Variants in FUT9 observed in about 807,000 individuals in gnomAD.
FUT9 encodes fucosyltransferase 9.
FUT9 carries 15 observed loss-of-function variants against 29.7 expected under a neutral mutation model. The observed-to-expected ratio is 0.51, with a 90% CI of 0.34 to 0.78. The LOEUF is 0.78. FUT9 is among the 30% of genes least tolerant of loss of function. FUT9 has a pLI of 0.01. For synonymous variants in FUT9, 169 were observed against 153.7 expected (o/e 1.10, Z -0.74); for missense variants, 319 against 425.4 (o/e 0.75, Z 2.20).
chr6:96,035,828 GTATTA>G (rs1770349192), intron 1 of FUT9, among the ~76,000 whole-genome samples: 1 of 123,822 alleles, frequency 8.1e-6, no homozygotes, highest in Non-Finnish European at 1.7e-5. Context: ...TATATTATAT[GTATTA>G]TATTAATATA....
intron 2 of FUT9, among the ~76,000 whole-genome samples, chr6:96,169,895 A>G (rs1019143967): frequency 6.6e-6 from 1 of 152,168 alleles, no homozygotes; most frequent in African/African-American, 2.4e-5. Context: ...AACCAAAGAA[A>G]TTTGGAGAAA....
chr6:96,040,516 A>C (rs1770440846), intron 1 of FUT9, among the ~76,000 whole-genome samples: 1 of 152,190 alleles, frequency 6.6e-6, no homozygotes. Context: ...GATCAGATCA[A>C]AAAACACCTT....
chr6:96,080,230 A>G (rs1771212307), intron 1 of FUT9, among the ~76,000 whole-genome samples: 1 of 149,276 alleles, frequency 6.7e-6, no homozygotes, highest in African/African-American at 2.4e-5. Flanking sequence ...CTAAAAAAAA[A>G]GCCAGAAAGA....
chr6:96,129,711 A>T (rs1158018584), intron 2 of FUT9, among the ~76,000 whole-genome samples: 4 of 152,048 alleles, frequency 2.6e-5, no homozygotes, highest in African/African-American at 9.7e-5. Flanking sequence ...TTTGGTATTT[A>T]GTATTAAAAT....
chr6:96,062,247 A>T, intron 1 of FUT9, among the ~76,000 whole-genome samples: 1 of 152,192 alleles, frequency 6.6e-6, no homozygotes, highest in East Asian at 1.9e-4. Context: ...CTAGAAAGTA[A>T]CAAATAGAAA....
intron 1 of FUT9, among the ~76,000 whole-genome samples, chr6:96,041,323 A>G (rs1007937862): frequency 2.0e-5 from 3 of 152,142 alleles, no homozygotes. Context: ...CTATTACTCA[A>G]GTTCTTCCCT....
intron 1 of FUT9, among the ~76,000 whole-genome samples, chr6:96,092,946 A>AAT (rs1771436091): frequency 6.6e-6 from 1 of 151,938 alleles, no homozygotes; most frequent in Non-Finnish European, 1.5e-5. Context: ...TTTTAAAAAA[A>AAT]TCATAGAGAC....
chr6:96,157,355 A>G (rs1582273588), intron 2 of FUT9, among the ~76,000 whole-genome samples: 1 of 152,294 alleles, frequency 6.6e-6, no homozygotes, highest in African/African-American at 2.4e-5. Flanking sequence ...AATGCGGTAA[A>G]CTGTAAAGAT....
intron 2 of FUT9, among the ~76,000 whole-genome samples, chr6:96,123,978 G>A (rs1335960791): frequency 6.6e-6 from 1 of 151,762 alleles, no homozygotes; most frequent in Non-Finnish European, 1.5e-5. Flanking sequence ...GAAAAGAGGA[G>A]TAGAACTAGG....
intron 1 of FUT9, among the ~76,000 whole-genome samples, chr6:96,016,429 C>T (rs1427172487): frequency 6.6e-6 from 1 of 152,162 alleles, no homozygotes; most frequent in Non-Finnish European, 1.5e-5. Context: ...GGACAGCTGC[C>T]TGCAGCTCGC....
At chr6:96,104,697 A>AT (rs537445135) in intron 1 of FUT9, among the ~76,000 whole-genome samples, 244 of 151,678 alleles carry the variant, frequency 1.6e-3, no homozygotes, top group Non-Finnish European at 3.2e-3. Context: ...CGCCCGGCAC[A>AT]TTTTTTGTGT....
intron 1 of FUT9, among the ~76,000 whole-genome samples, chr6:96,046,581 C>T (rs1209098548): frequency 2.0e-5 from 3 of 152,146 alleles, no homozygotes; most frequent in African/African-American, 7.2e-5. Context: ...GACCTACACC[C>T]TAACTCTATG....
At chr6:96,131,329 A>T (rs1314891352) in intron 2 of FUT9, among the ~76,000 whole-genome samples, 2 of 152,018 alleles carry the variant, frequency 1.3e-5, no homozygotes, top group African/African-American at 4.8e-5. Flanking sequence ...GATTTTTCTC[A>T]TTTTCAACTT....
At position 96,026,592 on chromosome 6, in the gene FUT9, A is replaced by G. The variant is rs191991523; in HGVS notation, c.-98+10380A>G. Among the ~76,000 whole-genome samples, 12 of 151,440 alleles carry G rather than the reference A, an allele frequency of 7.9e-5. No individual in the cohort carries two copies. In the South Asian group the frequency reaches 2.5e-3, roughly 31 times the overall value. On this transcript the variant is annotated intron_variant, in intron 1 of 2. Coordinates refer to ENST00000302103, the MANE Select transcript of FUT9 (RefSeq NM_006581.4). ...GTTATTACATATTTCCCATGGCCAT[A>G]ATATTTCTCCAATGCTTTATAGTTT...
chr6:96,064,615 CAT>C (rs1770932160), intron 1 of FUT9, among the ~76,000 whole-genome samples: 1 of 152,150 alleles, frequency 6.6e-6, no homozygotes, highest in African/African-American at 2.4e-5. Flanking sequence ...AAAATACAAA[CAT>C]AAAAGTAGCT....
At chr6:96,195,838 TC>T (rs1773614692) in intron 2 of FUT9, among the ~76,000 whole-genome samples, 1 of 152,168 alleles carries the variant, frequency 6.6e-6, no homozygotes, top group African/African-American at 2.4e-5. Context: ...TTTTGCAGAA[TC>T]CTGTACTAAT....
Position 96,093,217 on chromosome 6 carries a change from A to G in FUT9, c.-97-20822A>G, listed in dbSNP as rs562807884. Among the ~76,000 whole-genome samples, 9 of 152,306 alleles carry G rather than the reference A, an allele frequency of 5.9e-5. No individual in the cohort carries two copies. In the South Asian group the frequency reaches 1.9e-3, roughly 32 times the overall value. ...TTTTGCTAAGCATCATACCCCTAGT[A>G]CCTTGCACAGTTCTTGACACATTAA... On this transcript the variant is annotated intron_variant, in intron 1 of 2. Coordinates refer to ENST00000302103, the MANE Select transcript of FUT9 (RefSeq NM_006581.4).
intron 2 of FUT9, among the ~76,000 whole-genome samples, chr6:96,125,779 T>C (rs1200847164): frequency 6.6e-6 from 1 of 152,168 alleles, no homozygotes; most frequent in Non-Finnish European, 1.5e-5. Flanking sequence ...GATCCATTAC[T>C]ACCCAGCTCA....
chr6:96,112,131 G>C (rs1407557007), intron 1 of FUT9, among the ~76,000 whole-genome samples: 3 of 152,186 alleles, frequency 2.0e-5, no homozygotes, highest in African/African-American at 7.2e-5. Context: ...ATTGTAATAA[G>C]AAAGAGGAGA....
Sources: allele counts gnomAD v4.1 joint callset (sites outside exome capture counted in the v4.1 genomes callset), GRCh38; gene constraint gnomAD v4.1.1; transcripts MANE v1.5; gene names NCBI Gene and HGNC (gene_info 2026-07-23, HGNC 2026-07-21).